The following LINGO3 variants were observed in gnomAD, a reference collection of about 807,000 sequenced individuals.
The protein encoded by LINGO3 is leucine-rich repeat and immunoglobulin-like domain-containing nogo receptor-interacting protein 3.
For missense variants in LINGO3, 750 were observed against 867.7 expected (o/e 0.86, Z 1.70); for synonymous variants, 427 against 444.2 (o/e 0.96, Z 0.49).
At chr19:2,288,427 G>A (rs2025485434), downstream of LINGO3, among the ~76,000 whole-genome samples, 2 of 152,230 alleles carry the variant, frequency 1.3e-5, no homozygotes, top group African/African-American at 2.4e-5. This position sits in a 1 kb window ranked among gnomAD's most constrained non-coding sequence, Gnocchi z 6.5. Flanking sequence ...ATGGGGCCAC[G>A]CTCAGGGCTT....
At chr19:2,303,306 G>A in the LINGO3 span, among the ~76,000 whole-genome samples, 2 of 152,050 alleles carry the variant, frequency 1.3e-5, no homozygotes, top group Admixed American at 1.3e-4. Context: ...CCCAGCTAAT[G>A]AGCAGATTGT....
exon 1 of LINGO3, chr19:2,291,006 G>T (rs2025514136): frequency 3.1e-6 from 5 of 1,611,340 alleles, no homozygotes; most frequent in Non-Finnish European, 4.2e-6. Flanking sequence ...CGGCGGTGAT[G>T]TTGGTGTGGG....
At chr19:2,297,882 G>A in the LINGO3 span, among the ~76,000 whole-genome samples, 1 of 151,846 alleles carries the variant, frequency 6.6e-6, no homozygotes, top group African/African-American at 2.4e-5. Flanking sequence ...TGGAATTACA[G>A]TGTGAGCCAC....
chr19:2,303,344 A>G, the LINGO3 span, among the ~76,000 whole-genome samples: 22 of 96,230 alleles, frequency 2.3e-4, no homozygotes, highest in African/African-American at 8.3e-4. Flanking sequence ...GAGCGGAGCT[A>G]GCAGGGAGCT....
At chr19:2,303,338 G>C in the LINGO3 span, among the ~76,000 whole-genome samples, 2 of 127,574 alleles carry the variant, frequency 1.6e-5, no homozygotes, top group Non-Finnish European at 3.4e-5. Flanking sequence ...GCTGAGGAGC[G>C]GAGCTAGCAG....
chr19:2,294,735 G>A (rs1406611361), upstream of LINGO3, among the ~76,000 whole-genome samples: 3 of 152,016 alleles, frequency 2.0e-5, no homozygotes, highest in South Asian at 2.1e-4. This position sits in a 1 kb window ranked among gnomAD's most constrained non-coding sequence, Gnocchi z 4.3. Flanking sequence ...GGCTGTTTCC[G>A]TCTCTCCTGG....
chr19:2,299,338 A>G, the LINGO3 span, among the ~76,000 whole-genome samples: 1 of 151,810 alleles, frequency 6.6e-6, no homozygotes, highest in Non-Finnish European at 1.5e-5. Context: ...GACATGGGAG[A>G]CTCGATTCTG....
chr19:2,304,463 TTAAG>T, the LINGO3 span, among the ~76,000 whole-genome samples: 1 of 152,026 alleles, frequency 6.6e-6, no homozygotes, highest in Non-Finnish European at 1.5e-5. Context: ...GCAGATGGGA[TTAAG>T]TAAGAATTGT....
the LINGO3 span, among the ~76,000 whole-genome samples, chr19:2,299,342 G>A: frequency 2.0e-5 from 3 of 152,308 alleles, no homozygotes; most frequent in Middle Eastern, 6.8e-3. Flanking sequence ...TGGGAGACTC[G>A]ATTCTGTGTA....
At chr19:2,304,007 G>A in the LINGO3 span, among the ~76,000 whole-genome samples, 1 of 152,236 alleles carries the variant, frequency 6.6e-6, no homozygotes, top group African/African-American at 2.4e-5. Context: ...GGCTGAGCGA[G>A]TGAGAAGTCA....
chr19:2,303,364 G>C, the LINGO3 span, among the ~76,000 whole-genome samples: 1 of 152,162 alleles, frequency 6.6e-6, no homozygotes, highest in African/African-American at 2.4e-5. Context: ...TGTGGGGGGG[G>C]GGGTCTGTTC....
chr19:2,291,683 T>G, exon 1 of LINGO3: 2 of 1,343,410 alleles, frequency 1.5e-6, no homozygotes, highest in Non-Finnish European at 1.9e-6. Context: ...GTCTGCACGG[T>G]GCACTCGCAG....
At chr19:2,300,220 C>T in the LINGO3 span, among the ~76,000 whole-genome samples, 5 of 151,196 alleles carry the variant, frequency 3.3e-5, no homozygotes, top group South Asian at 2.1e-4. Flanking sequence ...TTAGTAGAGA[C>T]GGGGTTTCAC....
At chr19:2,304,681 C>G in the LINGO3 span, among the ~76,000 whole-genome samples, 1 of 142,994 alleles carries the variant, frequency 7.0e-6, no homozygotes, top group Non-Finnish European at 1.5e-5. Context: ...GAATGCGCAG[C>G]AGGAGGGCCC....
downstream of LINGO3, among the ~76,000 whole-genome samples, chr19:2,287,848 G>A (rs1278346966): frequency 6.6e-6 from 1 of 152,176 alleles, no homozygotes; most frequent in African/African-American, 2.4e-5. This position sits in a 1 kb window ranked among gnomAD's most constrained non-coding sequence, Gnocchi z 4.5. Context: ...AGCTGCTTTT[G>A]AGCCCTTCCC....
chr19:2,292,814 G>T (rs1161219526), upstream of LINGO3, among the ~76,000 whole-genome samples: 2 of 152,022 alleles, frequency 1.3e-5, no homozygotes, highest in East Asian at 3.9e-4. Context: ...TTGCATAAGA[G>T]AATGGAACAC....
chr19:2,308,129 AGCCGACACGAGCAGCCGCCGCC>A, the LINGO3 span, among the ~76,000 whole-genome samples: 1 of 133,668 alleles, frequency 7.5e-6, no homozygotes, highest in African/African-American at 2.8e-5. Context: ...GGCCGCCCGG[AGCCGACACGAGCAGCCGCCGCC>A]GCCGCCGCCG....
chr19:2,302,280 C>T, the LINGO3 span, among the ~76,000 whole-genome samples: 62 of 152,120 alleles, frequency 4.1e-4, no homozygotes, highest in African/African-American at 8.2e-4. Context: ...AGGATGGTCT[C>T]GAACTCCTGA....
chr19:2,300,109 G>A, the LINGO3 span, among the ~76,000 whole-genome samples: 1 of 137,482 alleles, frequency 7.3e-6, no homozygotes, highest in African/African-American at 2.7e-5. Flanking sequence ...TCTGCTCACC[G>A]CAGCCTTCGC....
Sources: gnomAD v4.1 joint callset for allele counts (sites outside exome capture counted in the v4.1 genomes callset) on GRCh38, gnomAD v4.1.1 for gene constraint, Gnocchi (gnomAD v3.1) non-coding constraint, MANE v1.5 for transcripts, NCBI Gene and HGNC (gene_info 2026-07-23, HGNC 2026-07-21) for gene names.